The following KRT23 variants were observed in gnomAD, a reference collection of about 807,000 sequenced individuals.
KRT23 encodes keratin, type I cytoskeletal 23.
A neutral mutation model predicts 47.6 loss-of-function variants in KRT23; 38 were observed. That is an observed-to-expected ratio of 0.80 (90% CI 0.62 to 1.05). The LOEUF is 1.05. Ranked by LOEUF, KRT23 falls within the 50% of genes least tolerant of loss-of-function variation. The pLI is 0.00. For missense variants in KRT23, 503 were observed against 529.5 expected, an observed-to-expected ratio of 0.95 and a Z score of 0.49; for synonymous variants, 191 against 199.0, an observed-to-expected ratio of 0.96 and a Z score of 0.34.
In KRT23 at chr17:40,922,948, G is replaced by A. The variant is rs1414643426; in HGVS notation, c.*41C>T. On this transcript the variant is annotated 3_prime_UTR_variant, in exon 9 of 9. Transcript: ENST00000209718. ...GTGTCTGTGCAAGGACTTTCCTTGG[G>A]GGAAAATAGATTTTACAACAGGCGG... The A allele has an allele frequency of 2.1e-6, 3 of 1,449,482 alleles. No individual in the cohort carries two copies. Among genetic ancestry groups the A allele is most frequent in the Admixed American group, 1.7e-5 (1 of 59,720 alleles). The allele number at this position is 1,449,482 out of a possible 1,614,324, so 89.8% of individuals were successfully genotyped here.
intron 6 of KRT23, among the ~76,000 whole-genome samples, chr17:40,926,051 A>T (rs140665710): frequency 6.6e-6 from 1 of 152,190 alleles, no homozygotes; most frequent in Non-Finnish European, 1.5e-5. Flanking sequence ...AATTCCAACT[A>T]AACTGAGTAT....
At chr17:40,933,101 TAC>T in intron 2 of KRT23, among the ~76,000 whole-genome samples, 1 of 152,310 alleles carries the variant, frequency 6.6e-6, no homozygotes, top group Admixed American at 6.5e-5. Flanking sequence ...AAGTAAATAA[TAC>T]ACCTTTCTTT....
chr17:40,935,183 A>G (rs994256121), intron 2 of KRT23, among the ~76,000 whole-genome samples: 2 of 149,860 alleles, frequency 1.3e-5, no homozygotes, highest in South Asian at 2.1e-4. Context: ...TATTAGGTTG[A>G]TTATTCAATA....
intron 3 of KRT23, 28 bp downstream of exon 3, chr17:40,931,345 C>G (rs72824086): frequency 0.088 from 136,302 of 1,552,492 alleles, 6,579 homozygotes; most frequent in South Asian, 0.11. Flanking sequence ...AACAAAAACC[C>G]GAACAACCCT....
rs1227845746 is a variant in KRT23 at position 40,929,926 on chromosome 17, C to T, written c.636+14G>A. ...GAGCTGTGCTTATTAGCAGGTGTTC[C>T]TGGGGAGTTGTACCTGCTCATGGTG... On this transcript the variant is annotated intron_variant, in intron 4 of 8. Transcript: ENST00000209718. 3.7e-6 allele frequency: 6 copies of T among 1,612,546 alleles called. No homozygotes were observed. The highest frequency in any genetic ancestry group is 2.2e-5 in the East Asian group (1 of 44,884).
At chr17:40,925,307 A>G in intron 7 of KRT23, 47 bp downstream of exon 7, 1 of 1,503,486 alleles carries the variant, frequency 6.7e-7, no homozygotes, top group Non-Finnish European at 9.3e-7. Context: ...TACCCACAGG[A>G]GCTGGAGGTC....
At position 40,936,614 on chromosome 17, in the gene KRT23, G is replaced by A. The variant is rs1390477451; in HGVS notation, c.-11C>T. 6.6e-7 allele frequency: 1 copy of A among 1,511,350 alleles called. No homozygotes were observed. The allele number at this position is 1,511,350 out of a possible 1,614,324, so 93.6% of individuals were successfully genotyped here. A position where few individuals can be genotyped will look rare whatever the true frequency, so the allele number is the denominator to read the frequency against. ...GTGTCCGGAGTTCATGGTCCCATCTGTGTTTGGGACGGGGCTGAGCTCTGC... is the reference window on the plus strand; with the variant it reads ...GTGTCCGGAGTTCATGGTCCCATCTATGTTTGGGACGGGGCTGAGCTCTGC... On this transcript the variant is annotated 5_prime_UTR_variant, in exon 2 of 9. Transcript: ENST00000209718.
At chr17:40,928,722 C>A in intron 4 of KRT23, 115 bp from the exon 5 acceptor site, 4 of 908,320 alleles carry the variant, frequency 4.4e-6, no homozygotes, top group Non-Finnish European at 6.7e-6. Flanking sequence ...TGTGGTTGCT[C>A]CCACTGTCAC....
rs780752600 is a variant in KRT23, at chr17:40,936,566, G to A, written c.38C>T (p.Ala13Val). 4.6e-6 allele frequency: 7 copies of A among 1,519,718 alleles called. No individual in the cohort carries two copies. The highest frequency in any genetic ancestry group is 1.4e-5 in the African/African-American group (1 of 71,660). The allele number at this position is 1,519,718 out of a possible 1,614,324, so 94.1% of individuals were successfully genotyped here. A position where few individuals can be genotyped will look rare whatever the true frequency, so the allele number is the denominator to read the frequency against. Residue 13 changes from alanine to valine, a missense_variant, in exon 2 of 9, where the codon GCC becomes GTC. Physicochemically the swap from Ala to Val is moderately conservative, Grantham distance 64. Coordinates refer to ENST00000209718, the MANE Select transcript of KRT23 (RefSeq NM_015515.5). ...GCCACCTCCGGCGCCATGGAAGGAG[G>A]CCGAGGGGGTCTGGCTGAAGCTGTG... Reference protein sequence around the residue: ...SGHSFSQTPSASFHGAGGGWG... With the variant: ...SGHSFSQTPSVSFHGAGGGWG...
At chr17:40,925,219 T>C in intron 7 of KRT23, 135 bp downstream of exon 7, 1 of 682,600 alleles carries the variant, frequency 1.5e-6, no homozygotes, top group Non-Finnish European at 2.6e-6. Flanking sequence ...CAGCTATAGG[T>C]ATCTTCTGGA....
intron 2 of KRT23, among the ~76,000 whole-genome samples, chr17:40,934,856 T>C (rs890036454): frequency 3.3e-5 from 5 of 152,196 alleles, no homozygotes; most frequent in African/African-American, 7.2e-5. Context: ...TGTTGACATG[T>C]GTATTAAATA....
chr17:40,931,555 G>C lies in KRT23; in HGVS notation c.397-100C>G, dbSNP rs1192543390. The C allele has an allele frequency of 4.8e-6, 4 of 831,410 alleles. No individual in the cohort carries two copies. In the East Asian group the frequency reaches 1.0e-4, roughly 21 times the overall value. The allele number at this position is 831,410 out of a possible 1,614,324, so 51.5% of individuals were successfully genotyped here. On this transcript the variant is annotated intron_variant, in intron 2 of 8. Transcript: ENST00000209718. The stretch of plus-strand genomic sequence containing the variant: ...CTCTAGCTTCCTGAATATTTGACTT[G>C]TTAGTACAGACAACTTCTTGTTCTG...
chr17:40,926,684 A>G (rs1909243572), intron 6 of KRT23, among the ~76,000 whole-genome samples: 1 of 151,992 alleles, frequency 6.6e-6, no homozygotes, highest in Non-Finnish European at 1.5e-5. Flanking sequence ...AATTTTTCCT[A>G]CCTTAAAATA....
chr17:40,936,306 G>A lies in KRT23; in HGVS notation c.298C>T (p.Leu100=). 1 of 1,614,214 alleles carries A rather than the reference G, an allele frequency of 6.2e-7. No individual in the cohort carries two copies. Among genetic ancestry groups the A allele is most frequent in the Non-Finnish European group, 8.5e-7 (1 of 1,180,032 alleles). The change falls in exon 2 of 9, where the codon CTG becomes TTG. Residue 100 remains leucine (L), a synonymous_variant. Coordinates refer to ENST00000209718, the MANE Select transcript of KRT23 (RefSeq NM_015515.5). ...VRALEEANMK[L]ESRILKWHQQ... ...TGCCATTTCAGGATGCGGCTTTCCA[G>A]CTTCATGTTGGCCTCCTCCAGGGCG... is the stretch of plus-strand genomic sequence containing the variant.
rs144045609 is a variant in KRT23 at position 40,925,556 on chromosome 17, T to A, written c.940A>T (p.Met314Leu). 3.7e-6 allele frequency: 6 copies of A among 1,613,424 alleles called. No individual in the cohort carries two copies. In the African/African-American group the frequency reaches 5.3e-5, roughly 14 times the overall value. ...QYSTKSALEN[M>L]LSETQSRYSC... The stretch of plus-strand genomic sequence containing the variant: ...TACCGAGACTGGGTCTCGGATAACA[T>A]GTTTTCCAAAGCAGATTTCTGAAAG... Residue 314 changes from methionine to leucine, a missense_variant, in exon 7 of 9, where the codon ATG becomes TTG. Transcript: ENST00000209718.
intron 2 of KRT23, 36 bp downstream of exon 2, chr17:40,936,172 C>A (rs1264884702): frequency 1.2e-6 from 2 of 1,612,324 alleles, no homozygotes; most frequent in South Asian, 1.1e-5. Context: ...GGCAAAGCAG[C>A]CCCATCTGGA....
chr17:40,936,580 G>A lies in KRT23; in HGVS notation c.24C>T (p.Ser8=). ...CATGGAAGGAGGCCGAGGGGGTCTG[G>A]CTGAAGCTGTGTCCGGAGTTCATGG... MNSGHSF[S]QTPSASFHGA... Residue 8 remains serine, a synonymous_variant, in exon 2 of 9, where the codon AGC becomes AGT. Coordinates refer to ENST00000209718, the MANE Select transcript of KRT23 (RefSeq NM_015515.5). The A allele has an allele frequency of 6.6e-7, 1 of 1,518,150 alleles. No individual in the cohort carries two copies. The highest frequency in any genetic ancestry group is 8.8e-7 in the Non-Finnish European group (1 of 1,136,100). The allele number at this position is 1,518,150 out of a possible 1,614,324, so 94.0% of individuals were successfully genotyped here. A position where few individuals can be genotyped will look rare whatever the true frequency, so the allele number is the denominator to read the frequency against.
intron 6 of KRT23, among the ~76,000 whole-genome samples, chr17:40,926,501 G>A (rs547867394): frequency 1.3e-5 from 2 of 152,154 alleles, no homozygotes; most frequent in African/African-American, 2.4e-5. Flanking sequence ...GGGAGAGACC[G>A]CCCACTGCTC....
intron 2 of KRT23, among the ~76,000 whole-genome samples, chr17:40,931,672 G>A (rs549087440): frequency 3.7e-4 from 56 of 152,316 alleles, no homozygotes; most frequent in African/African-American, 1.1e-3. Context: ...AATATGATCT[G>A]CAGTCAGTGT....
Sources: gnomAD v4.1 joint callset for allele counts (sites outside exome capture counted in the v4.1 genomes callset) on GRCh38, gnomAD v4.1.1 for gene constraint, MANE v1.5 for transcripts, NCBI Gene and HGNC (gene_info 2026-07-23, HGNC 2026-07-21) for gene names.